ERICH1: variants seen among roughly 807,000 people sequenced by gnomAD.
The protein encoded by ERICH1 is glutamate rich 1.
A neutral mutation model predicts 39.6 loss-of-function variants in ERICH1; 56 were observed. The ratio of observed to expected loss-of-function variants is 1.41; its 90% confidence interval spans 1.14 to 1.77. ERICH1 has a LOEUF of 1.77. Ranked by LOEUF, ERICH1 falls within the 40% of genes most tolerant of loss-of-function variation. ERICH1 has a pLI of 0.00. For synonymous variants in ERICH1, 313 were observed against 223.6 expected (o/e 1.40, Z -3.57); for missense variants, 826 against 575.4 (o/e 1.44, Z -4.45).
At chr8:634,854 G>T (rs1798302075) in intron 3 of ERICH1, among the ~76,000 whole-genome samples, 1 of 152,212 alleles carries the variant, frequency 6.6e-6, no homozygotes, top group Admixed American at 6.5e-5. Context: ...TAAGAGTTTT[G>T]CAGCTCTATA....
At chr8:665,590 T>C (rs891335227) in intron 5 of ERICH1, among the ~76,000 whole-genome samples, 9 of 152,198 alleles carry the variant, frequency 5.9e-5, no homozygotes, top group African/African-American at 2.2e-4. Context: ...CTAATTCCCA[T>C]ACAGAGAATT....
chr8:697,983 C>T (rs1269797092), intron 2 of ERICH1, among the ~76,000 whole-genome samples: 2 of 152,172 alleles, frequency 1.3e-5, no homozygotes, highest in East Asian at 2.0e-4. Flanking sequence ...TGGGGCTGGG[C>T]CCAGGTTGGA....
At chr8:663,546 G>A (rs966427854), downstream of ERICH1, among the ~76,000 whole-genome samples, 5 of 152,276 alleles carry the variant, frequency 3.3e-5, no homozygotes, top group African/African-American at 1.2e-4. Context: ...AGGCAGGACA[G>A]GCGGGACAGG....
At chr8:659,189 G>C (rs1669679) in intron 3 of ERICH1, among the ~76,000 whole-genome samples, 5 of 7,176 alleles carry the variant, frequency 7.0e-4, no homozygotes, top group Non-Finnish European at 1.6e-3. Context: ...TGTGCACTGA[G>C]CATCCTGGGG....
chr8:665,835 C>T (rs918782990), intron 5 of ERICH1, among the ~76,000 whole-genome samples: 4 of 152,212 alleles, frequency 2.6e-5, no homozygotes, highest in African/African-American at 9.6e-5. Flanking sequence ...ACACCCACAC[C>T]TGCTTCTCAA....
At chr8:622,678 C>A (rs1370278035) in intron 3 of ERICH1, among the ~76,000 whole-genome samples, 1 of 152,134 alleles carries the variant, frequency 6.6e-6, no homozygotes, top group Non-Finnish European at 1.5e-5. Context: ...AAAGGCAGGG[C>A]ACAGTGGCTC....
chr8:624,485 T>C (rs1056416106), intron 3 of ERICH1, among the ~76,000 whole-genome samples: 1 of 152,236 alleles, frequency 6.6e-6, no homozygotes, highest in Non-Finnish European at 1.5e-5. Context: ...ACAGTCTGTA[T>C]CAGTCCTTTC....
intron 2 of ERICH1, among the ~76,000 whole-genome samples, chr8:704,650 G>A (rs1398829108): frequency 1.3e-5 from 2 of 151,896 alleles, no homozygotes; most frequent in African/African-American, 2.4e-5. Flanking sequence ...TGGAAGGACG[G>A]GGGTTGTAAA....
At chr8:697,274 C>A (rs1810537444) in intron 2 of ERICH1, among the ~76,000 whole-genome samples, 1 of 152,222 alleles carries the variant, frequency 6.6e-6, no homozygotes, top group South Asian at 2.1e-4. Flanking sequence ...GGACACCACT[C>A]ACTCTCCAGC....
chr8:663,279 G>T (rs1429329313), downstream of ERICH1, among the ~76,000 whole-genome samples: 1 of 152,116 alleles, frequency 6.6e-6, no homozygotes, highest in Non-Finnish European at 1.5e-5. Context: ...CTGAGCATCA[G>T]CTTTGGGCAG....
rs565818276 is a variant in ERICH1 at position 633,023 on chromosome 8, G to C, written c.977-17739C>G. On this transcript the variant is annotated intron_variant, in intron 3 of 3. Coordinates refer to the ERICH1 transcript ENST00000522706. ...GGAGGCAGATCGGCCAGAGCTCTTG[G>C]ACGCTGCTGGTGGCCTGAGAAACGC... 5.9e-5 allele frequency among the ~76,000 whole-genome samples: 9 copies of C among 152,346 alleles called. No homozygotes were observed. The East Asian group carries it at 1.2e-3, about 20-fold the overall frequency.
chr8:697,969 C>A (rs528092502), intron 2 of ERICH1, among the ~76,000 whole-genome samples: 6 of 152,086 alleles, frequency 3.9e-5, no homozygotes, highest in Admixed American at 1.3e-4. Flanking sequence ...CAAATCCCTG[C>A]GTCTGGGGCT....
At chr8:705,624 G>A (rs1242664052) in intron 2 of ERICH1, among the ~76,000 whole-genome samples, 1 of 152,108 alleles carries the variant, frequency 6.6e-6, no homozygotes, top group Non-Finnish European at 1.5e-5. Flanking sequence ...ATGAGACCAG[G>A]ATTCCCACTC....
chr8:630,057 C>A (rs1331157722), intron 3 of ERICH1, among the ~76,000 whole-genome samples: 3 of 129,698 alleles, frequency 2.3e-5, no homozygotes, highest in Admixed American at 7.5e-5. Context: ...ACAGACAGAG[C>A]TGACTCACAC....
chr8:628,485 C>CTCTG (rs2117080728), intron 3 of ERICH1, among the ~76,000 whole-genome samples: 1 of 152,372 alleles, frequency 6.6e-6, no homozygotes, highest in South Asian at 2.1e-4. Flanking sequence ...TGGCTGCTCC[C>CTCTG]CAGTCCCCAG....
intron 2 of ERICH1, among the ~76,000 whole-genome samples, chr8:710,464 G>C (rs563914040): frequency 1.3e-5 from 2 of 148,858 alleles, no homozygotes; most frequent in South Asian, 2.1e-4. Context: ...AGTCCTCTGG[G>C]CTCCACCTGC....
At chr8:617,198 G>T (rs1454860000) in intron 3 of ERICH1, among the ~76,000 whole-genome samples, 1 of 152,098 alleles carries the variant, frequency 6.6e-6, no homozygotes, top group Admixed American at 6.5e-5. Flanking sequence ...GATTCCAAGA[G>T]GCACTGACGC....
Position 673,343 on chromosome 8 carries a change from C to A in ERICH1, c.1009G>T (p.Ala337Ser). The A allele has an allele frequency of 1.2e-6, 2 of 1,614,006 alleles. No homozygotes were observed. The highest frequency in any genetic ancestry group is 1.7e-4 in the Middle Eastern group (1 of 6,060). ...TTCAAAAAATTTAGAATACTGTGTG[C>A]CTTTTCATTGGTAATTGTATCATCT... is the stretch of plus-strand genomic sequence containing the variant. The part of the protein sequence containing the change: ...EEDDTITNEK[A>S]HSILNFLKST... Residue 337 changes from alanine to serine, a missense_variant, in exon 4 of 6, where the codon GCA (alanine) becomes TCA (serine). Physicochemically the swap from Ala to Ser is moderately conservative, Grantham distance 99 (BLOSUM62 1). Transcript: ENST00000262109.
intron 3 of ERICH1, among the ~76,000 whole-genome samples, chr8:675,169 A>G (rs1703914): frequency 0.51 from 14,776 of 28,884 alleles, 5,033 homozygotes; most frequent in East Asian, 0.81. Context: ...GAGGACAGAG[A>G]CGCGGCGGCC....
Sources: gnomAD v4.1 joint callset for allele counts (sites outside exome capture counted in the v4.1 genomes callset) on GRCh38, gnomAD v4.1.1 for gene constraint, MANE v1.5 for transcripts, NCBI Gene and HGNC (gene_info 2026-07-23, HGNC 2026-07-21) for gene names.